The following ZNF717 variants were observed in gnomAD, a reference collection of about 807,000 sequenced individuals.
The protein encoded by ZNF717 is krueppel-like factor X17.
ZNF717 carries 9 observed loss-of-function variants against 13.8 expected under a neutral mutation model. That is an observed-to-expected ratio of 0.65 (90% CI 0.39 to 1.14). The LOEUF is 1.14. Among genes scored for constraint, ZNF717 ranks in the 50% most tolerant of loss-of-function variants. The pLI, the probability that ZNF717 is intolerant of heterozygous loss-of-function variation, is 0.01. For synonymous variants in ZNF717, 327 were observed against 364.1 expected, an observed-to-expected ratio of 0.90 and a Z score of 1.16; for missense variants, 1,040 against 1,080.7, an observed-to-expected ratio of 0.96 and a Z score of 0.53.
intron 2 of ZNF717, among the ~76,000 whole-genome samples, chr3:75,762,305 G>C (rs1943101036): frequency 2.0e-5 from 3 of 151,968 alleles, no homozygotes; most frequent in Non-Finnish European, 4.4e-5. Flanking sequence ...GCTGGGCATG[G>C]TGGCGTGCAC....
chr3:75,698,348 T>C (rs1363035364), intron 6 of ZNF717, among the ~76,000 whole-genome samples: 1 of 152,286 alleles, frequency 6.6e-6, no homozygotes, highest in Non-Finnish European at 1.5e-5. Context: ...GCCAAGACAA[T>C]GGGAAAGAGG....
chr3:75,737,538 T>C lies in ZNF717; in HGVS notation c.2085A>G (p.Glu695=), dbSNP rs1314070874. The C allele has an allele frequency of 1.3e-6, 2 of 1,553,208 alleles. No homozygotes were observed. Among genetic ancestry groups the C allele is most frequent in the Non-Finnish European group, 8.7e-7 (1 of 1,147,874 alleles). Residue 695 remains glutamate, a synonymous_variant, in exon 5 of 5, where the codon GAA becomes GAG. Coordinates refer to ENST00000652011, the MANE Select transcript of ZNF717 (RefSeq NM_001290208.3). ...VRNHTLLYIR[E]LTPGKSPMNV... Reference sequence around the variant, plus strand: ...TCATAGGGCTTTTCCCCGGTGTGAGTTCTCTGATGTATAATAAGGTATGAT... The same window carrying C: ...TCATAGGGCTTTTCCCCGGTGTGAGCTCTCTGATGTATAATAAGGTATGAT...
chr3:75,743,134 A>T (rs1469532912), intron 2 of ZNF717, among the ~76,000 whole-genome samples: 3 of 152,198 alleles, frequency 2.0e-5, no homozygotes, highest in Admixed American at 6.5e-5. Context: ...ATCTTCACAA[A>T]ACAATGAAAT....
intron 2 of ZNF717, among the ~76,000 whole-genome samples, chr3:75,771,290 C>T (rs1943851347): frequency 6.6e-6 from 1 of 152,218 alleles, no homozygotes; most frequent in Admixed American, 6.5e-5. Flanking sequence ...TCACTCCTCA[C>T]TTCAGATTTC....
At chr3:75,726,221 T>C (rs1001934252), downstream of ZNF717, among the ~76,000 whole-genome samples, 1 of 148,464 alleles carries the variant, frequency 6.7e-6, no homozygotes, top group African/African-American at 2.5e-5. Flanking sequence ...TGGGAGAAAA[T>C]AGCATTGGGC....
At chr3:75,772,462 T>C (rs1943974254) in intron 2 of ZNF717, among the ~76,000 whole-genome samples, 1 of 152,208 alleles carries the variant, frequency 6.6e-6, no homozygotes, top group Non-Finnish European at 1.5e-5. Flanking sequence ...GCCAGGGCTA[T>C]GACACCTTCT....
chr3:75,709,362 G>A (rs1575715124), downstream of ZNF717, among the ~76,000 whole-genome samples: 1 of 152,062 alleles, frequency 6.6e-6, no homozygotes, highest in Non-Finnish European at 1.5e-5. Context: ...TCACCAAGGG[G>A]ATGGTGCTAA....
At chr3:75,713,204 G>T (rs1937980229) in intron 5 of ZNF717, among the ~76,000 whole-genome samples, 1 of 152,068 alleles carries the variant, frequency 6.6e-6, no homozygotes, top group Non-Finnish European at 1.5e-5. Context: ...TTGCTGGAGT[G>T]CAGTGGCACA....
intron 2 of ZNF717, among the ~76,000 whole-genome samples, chr3:75,779,863 C>T (rs1450799505): frequency 3.0e-4 from 43 of 145,318 alleles, no homozygotes; most frequent in Non-Finnish European, 5.7e-4. Flanking sequence ...GTGCTAAAAC[C>T]GGAACCCAAA....
chr3:75,763,487 T>C (rs1450450317), intron 2 of ZNF717, among the ~76,000 whole-genome samples: 3 of 152,268 alleles, frequency 2.0e-5, no homozygotes, highest in Admixed American at 6.5e-5. Context: ...CTGCACATCA[T>C]GTATCTCATA....
At chr3:75,717,576 G>C (rs79437906) in intron 4 of ZNF717, among the ~76,000 whole-genome samples, 1 of 152,172 alleles carries the variant, frequency 6.6e-6, no homozygotes, top group Non-Finnish European at 1.5e-5. Flanking sequence ...GAAGGGCAGA[G>C]GGTCTTGACA....
chr3:75,739,643 A>C (rs1426032126), intron 4 of ZNF717, among the ~76,000 whole-genome samples: 2 of 151,148 alleles, frequency 1.3e-5, no homozygotes, highest in African/African-American at 2.4e-5. Flanking sequence ...ATAGGTTTTA[A>C]TAAGTGCTCA....
chr3:75,734,100 C>A (rs1169730100), downstream of ZNF717, among the ~76,000 whole-genome samples: 1 of 152,124 alleles, frequency 6.6e-6, no homozygotes, highest in Non-Finnish European at 1.5e-5. Context: ...GACAGAGTCT[C>A]TCTCTGTTGC....
chr3:75,740,616 A>G (rs74638041), intron 4 of ZNF717, among the ~76,000 whole-genome samples: 5,234 of 82,932 alleles, frequency 0.063, no homozygotes, highest in Non-Finnish European at 0.088. Context: ...AGGATCATTT[A>G]AGGCCAGAAG....
chr3:75,750,046 C>G (rs1312371447), intron 2 of ZNF717, among the ~76,000 whole-genome samples: 7 of 151,736 alleles, frequency 4.6e-5, no homozygotes, highest in African/African-American at 1.7e-4. Flanking sequence ...GATTCCAGAA[C>G]ACTGCTACGA....
At chr3:75,754,903 A>G (rs1200099658) in intron 2 of ZNF717, among the ~76,000 whole-genome samples, 1 of 152,148 alleles carries the variant, frequency 6.6e-6, no homozygotes, top group Admixed American at 6.5e-5. Flanking sequence ...TTTTCAAACT[A>G]TATGAAATAA....
At chr3:75,744,965 T>A (rs1940979984) in intron 2 of ZNF717, among the ~76,000 whole-genome samples, 1 of 152,166 alleles carries the variant, frequency 6.6e-6, no homozygotes, top group Non-Finnish European at 1.5e-5. Context: ...GGAACACTTC[T>A]GAGGTTCACA....
At chr3:75,750,050 G>T (rs1159529894) in intron 2 of ZNF717, among the ~76,000 whole-genome samples, 2 of 151,462 alleles carry the variant, frequency 1.3e-5, no homozygotes, top group Admixed American at 6.6e-5. Flanking sequence ...CCAGAACACT[G>T]CTACGAGGGT....
intron 2 of ZNF717, among the ~76,000 whole-genome samples, chr3:75,757,520 T>C (rs1328113409): frequency 6.6e-6 from 1 of 151,918 alleles, no homozygotes; most frequent in Non-Finnish European, 1.5e-5. Context: ...TTCAAAGTAT[T>C]ACCGCTCAAT....
Sources: allele counts gnomAD v4.1 joint callset (sites outside exome capture counted in the v4.1 genomes callset), GRCh38; gene constraint gnomAD v4.1.1; transcripts MANE v1.5; gene names NCBI Gene and HGNC (gene_info 2026-07-23, HGNC 2026-07-21).